SDK1: variants seen among roughly 807,000 people sequenced by gnomAD.
SDK1 encodes sidekick cell adhesion molecule 1.
A neutral mutation model predicts 245.5 loss-of-function variants in SDK1; 157 were observed. That is an observed-to-expected ratio of 0.64 (90% CI 0.56 to 0.73). The LOEUF is 0.73. SDK1 is among the 30% of genes least tolerant of loss of function. The pLI, the probability that SDK1 is intolerant of heterozygous loss-of-function variation, is 0.00. For synonymous variants in SDK1, 1,647 were observed against 1,278.5 expected, an observed-to-expected ratio of 1.29 and a Z score of -6.15; for missense variants, 3,583 against 3,002.3, an observed-to-expected ratio of 1.19 and a Z score of -4.52.
At chr7:3,771,730 AT>A (rs953189705) in intron 4 of SDK1, among the ~76,000 whole-genome samples, 1 of 151,328 alleles carries the variant, frequency 6.6e-6, no homozygotes, top group Non-Finnish European at 1.5e-5. Context: ...TTGTTTTCCA[AT>A]TTTTTTTTAC....
In SDK1 at chr7:3,982,992, C is replaced by A. The variant is rs373146023; in HGVS notation, c.1995-4194C>A. ...GAAGTTGCTGCTGATGTGGTGGAAA[C>A]AGCAAGAGAACTAGAATTAGAGGTG... On this transcript the variant is annotated intron_variant, in intron 13 of 44. Transcript: ENST00000404826. Among the ~76,000 whole-genome samples the A allele has an allele frequency of 1.1e-3, 169 of 152,228 alleles. 4 individuals are homozygous for A. In the South Asian group the frequency reaches 0.033, roughly 30 times the overall value.
rs553926102 is a variant in SDK1 at position 4,208,025 on chromosome 7, C to G, written c.5215-74C>G. The G allele has an allele frequency of 2.2e-5, 25 of 1,160,696 alleles. No homozygotes were observed. The African/African-American group carries it at 3.2e-4, about 15-fold the overall frequency. The allele number at this position is 1,160,696 out of a possible 1,614,324, so 71.9% of individuals were successfully genotyped here. Reference sequence around the variant, plus strand: ...AACTCAGCTCACCCCCTCGCTTTGACCTTACACTCAGTGGCCCCCGCTTAC... The same window carrying G: ...AACTCAGCTCACCCCCTCGCTTTGAGCTTACACTCAGTGGCCCCCGCTTAC... On this transcript the variant is annotated intron_variant, in intron 36 of 44. Coordinates refer to ENST00000404826, the MANE Select transcript of SDK1 (RefSeq NM_152744.4).
chr7:3,512,366 TG>T (rs1324492908), intron 1 of SDK1, among the ~76,000 whole-genome samples: 1 of 152,236 alleles, frequency 6.6e-6, no homozygotes, highest in African/African-American at 2.4e-5. Flanking sequence ...ATTCACCTAA[TG>T]AAGAATATCT....
intron 5 of SDK1, among the ~76,000 whole-genome samples, chr7:3,849,088 G>C (rs905529914): frequency 1.2e-4 from 19 of 152,272 alleles, no homozygotes; most frequent in African/African-American, 4.3e-4. Context: ...TCCTTTCTCT[G>C]TTTAGAGTTT....
chr7:3,869,983 A>G (rs560290666), intron 5 of SDK1, among the ~76,000 whole-genome samples: 2 of 152,316 alleles, frequency 1.3e-5, no homozygotes, highest in South Asian at 4.1e-4. Context: ...AATCTCATGG[A>G]TTTATTTAGG....
At chr7:3,492,876 C>T (rs1583944440) in intron 1 of SDK1, among the ~76,000 whole-genome samples, 1 of 152,186 alleles carries the variant, frequency 6.6e-6, no homozygotes, top group African/African-American at 2.4e-5. Context: ...GATAAGAAAA[C>T]ACTAGGCATT....
chr7:4,204,864 G>A (rs942476735), intron 35 of SDK1, among the ~76,000 whole-genome samples: 32 of 142,050 alleles, frequency 2.3e-4, no homozygotes, highest in African/African-American at 6.3e-4. Context: ...AGTGCGCAGC[G>A]TGGAATTCAA....
chr7:3,885,850 C>G (rs1474856443), intron 5 of SDK1, among the ~76,000 whole-genome samples: 1 of 152,186 alleles, frequency 6.6e-6, no homozygotes, highest in African/African-American at 2.4e-5. Flanking sequence ...TGCTAACACT[C>G]ATTTAGCACT....
At chr7:3,488,391 T>C (rs1417219259) in intron 1 of SDK1, among the ~76,000 whole-genome samples, 1 of 152,240 alleles carries the variant, frequency 6.6e-6, no homozygotes, top group African/African-American at 2.4e-5. Flanking sequence ...GAGACACGAT[T>C]TAATATTAGT....
chr7:4,108,869 G>A (rs1252565718), intron 22 of SDK1, among the ~76,000 whole-genome samples: 6 of 152,076 alleles, frequency 3.9e-5, no homozygotes, highest in Admixed American at 1.3e-4. Context: ...ACCAACCTGC[G>A]TTCTGTCTCA....
chr7:4,044,276 C>G (rs1028002332), intron 17 of SDK1, among the ~76,000 whole-genome samples: 1 of 152,180 alleles, frequency 6.6e-6, no homozygotes, highest in African/African-American at 2.4e-5. Context: ...CCTCAGGATC[C>G]CCACACTCCT....
chr7:4,220,930 C>T (rs1313245595), intron 39 of SDK1, among the ~76,000 whole-genome samples: 1 of 140,902 alleles, frequency 7.1e-6, no homozygotes, highest in Non-Finnish European at 1.5e-5. Flanking sequence ...GCTACAGGTG[C>T]AAGCCACCAC....
At chr7:3,942,995 G>A (rs1170224605) in intron 5 of SDK1, among the ~76,000 whole-genome samples, 3 of 152,208 alleles carry the variant, frequency 2.0e-5, no homozygotes, top group South Asian at 2.1e-4. Flanking sequence ...GCCTGGCCAC[G>A]TGCGGGGAAC....
chr7:3,633,070 C>G (rs1723207003), intron 2 of SDK1, among the ~76,000 whole-genome samples: 1 of 152,008 alleles, frequency 6.6e-6, no homozygotes, highest in African/African-American at 2.4e-5. Flanking sequence ...TTTACCTTAA[C>G]CCATATTTTT....
chr7:3,469,861 A>G (rs1049268723), intron 1 of SDK1, among the ~76,000 whole-genome samples: 2 of 152,192 alleles, frequency 1.3e-5, no homozygotes, highest in Non-Finnish European at 2.9e-5. Flanking sequence ...CAGATCAGGT[A>G]GGTAAAGTGT....
chr7:3,410,005 A>G (rs73298380), intron 1 of SDK1, among the ~76,000 whole-genome samples: 2 of 152,094 alleles, frequency 1.3e-5, no homozygotes, highest in African/African-American at 2.4e-5. Context: ...CTGTGCTTCA[A>G]TGTCCTCACC....
Position 4,265,539 on chromosome 7 carries a change from T to G in SDK1, c.*155T>G. ...TTTTACCTACTTGTGGACACTAGAT[T>G]TCAATTAGGAAGGTTTTTTTAAACG... On this transcript the variant is annotated 3_prime_UTR_variant, in exon 45 of 45. Transcript: ENST00000404826. The G allele has an allele frequency of 7.4e-7, 1 of 1,344,684 alleles. No homozygotes were observed. The highest frequency in any genetic ancestry group is 9.5e-7 in the Non-Finnish European group (1 of 1,057,036). 83.3% of individuals were successfully genotyped at this position (1,344,684 alleles called of 1,614,324 possible).
intron 1 of SDK1, among the ~76,000 whole-genome samples, chr7:3,556,203 G>A (rs985234337): frequency 9.6e-5 from 14 of 145,232 alleles, no homozygotes; most frequent in East Asian, 4.2e-4. Context: ...AAGAAAATGT[G>A]ATACATATAC....
intron 4 of SDK1, chr7:3,643,206 C>T (rs2128652725): frequency 1.3e-5 from 2 of 150,966 alleles, no homozygotes; most frequent in Middle Eastern, 7.0e-3. Flanking sequence ...ATTCTTGTCT[C>T]CCACCCCTAC....
Sources: gnomAD v4.1 joint callset for allele counts (sites outside exome capture counted in the v4.1 genomes callset) on GRCh38, gnomAD v4.1.1 for gene constraint, MANE v1.5 for transcripts, NCBI Gene and HGNC (gene_info 2026-07-23, HGNC 2026-07-21) for gene names.